Variants in WDR11 observed in about 807,000 individuals in gnomAD.
The protein encoded by WDR11 is WD repeat-containing protein 11.
In WDR11, 83 loss-of-function variants were observed where a neutral mutation model predicts 151.2. The observed-to-expected ratio is 0.55, with a 90% CI of 0.46 to 0.66. The LOEUF (loss-of-function observed/expected upper bound fraction) is 0.66. WDR11 is among the 30% of genes least tolerant of loss of function. The pLI is 0.00. For missense variants in WDR11, 1,301 were observed against 1,480.9 expected, an observed-to-expected ratio of 0.88 and a Z score of 1.99; for synonymous variants, 484 against 533.1, an observed-to-expected ratio of 0.91 and a Z score of 1.27.
intron 9 of WDR11, among the ~76,000 whole-genome samples, 160 bp from the exon 10 acceptor site, chr10:120,871,010 A>C (rs2133756098): frequency 6.6e-6 from 1 of 152,330 alleles, no homozygotes. Context: ...ATAGCCAGGT[A>C]CAGAGTCATT....
At chr10:120,890,627 CCA>C (rs1430481837) in intron 18 of WDR11, 87 bp from the exon 19 acceptor site, 2 of 1,529,448 alleles carry the variant, frequency 1.3e-6, no homozygotes, top group East Asian at 4.5e-5. Flanking sequence ...TGGGCCTTTG[CCA>C]CAGACTGTCT....
intron 17 of WDR11, 39 bp downstream of exon 17, chr10:120,889,223 A>G: frequency 2.3e-6 from 3 of 1,304,634 alleles, no homozygotes; most frequent in African/African-American, 3.1e-5. Context: ...TTCATTAAAA[A>G]AAAGAAATGA....
intron 21 of WDR11, 89 bp downstream of exon 21, chr10:120,901,187 T>A: frequency 8.3e-7 from 1 of 1,204,528 alleles, no homozygotes; most frequent in Non-Finnish European, 1.2e-6. Context: ...TAAAATAAGT[T>A]ACGTTTTAGA....
rs1352839667 is a variant in WDR11, at chr10:120,905,502, A to G, written c.3291+86A>G. 4.1e-6 allele frequency: 6 copies of G among 1,455,934 alleles called. No individual in the cohort carries two copies. The East Asian group carries it at 6.8e-5, about 17-fold the overall frequency. 90.2% of individuals were successfully genotyped at this position (1,455,934 alleles called of 1,614,324 possible). On this transcript the variant is annotated intron_variant, in intron 26 of 28. Coordinates refer to ENST00000263461, the MANE Select transcript of WDR11 (RefSeq NM_018117.12). ...AACTTTGGACTTATGACTTAGAAAC[A>G]TTTTTTGGCCTGCAAAGCTGCTTTG... is the stretch of plus-strand genomic sequence containing the variant.
At position 120,908,971 on chromosome 10, in the gene WDR11, G is replaced by C. The variant is rs1342683825; in HGVS notation, c.*258G>C. 4.3e-6 allele frequency: 2 copies of C among 462,338 alleles called. No individual in the cohort carries two copies. The highest frequency in any genetic ancestry group is 3.9e-5 in the African/African-American group (2 of 51,430). 28.6% of individuals were successfully genotyped at this position (462,338 alleles called of 1,614,324 possible). On this transcript the variant is annotated 3_prime_UTR_variant, in exon 29 of 29. Coordinates refer to ENST00000263461, the MANE Select transcript of WDR11 (RefSeq NM_018117.12). ...ATAATATTTTATACTTTGGGAGAGA[G>C]CTTTAAGAGTCCCTGGAAATACTTT...
rs371977737 is a variant in WDR11, at chr10:120,908,712, G to T, written c.3674G>T (p.Ter1225LeuextTer9). Residue 1225 changes from the stop codon to leucine (L), a stop_lost, in exon 29 of 29, where the codon TGA becomes TTA. Transcript: ENST00000263461. ...CCCAAGGAAGAACCCATTGAAGAGT[G>T]ACAGCTTAATAAATGCCAGGGAATC... is the stretch of plus-strand genomic sequence containing the variant. ...ESPKEEPIEE[*>L] 2.5e-6 allele frequency: 4 copies of T among 1,613,950 alleles called. No homozygotes were observed. The African/African-American group carries it at 5.3e-5, about 22-fold the overall frequency.
chr10:120,866,896 G>T, intron 8 of WDR11, 132 bp downstream of exon 8: 3 of 1,129,226 alleles, frequency 2.7e-6, no homozygotes, highest in Non-Finnish European at 2.5e-6. Context: ...TAAGGCTTTA[G>T]ATTATTAGGG....
chr10:120,863,394 A>C (rs61875074), intron 5 of WDR11, among the ~76,000 whole-genome samples: 8,806 of 152,292 alleles, frequency 0.058, 343 homozygotes, highest in Non-Finnish European at 0.08. Context: ...TTTAGCTATG[A>C]GACTGAGAAA....
At chr10:120,867,235 A>T in intron 9 of WDR11, 66 bp downstream of exon 9, 4 of 1,125,296 alleles carry the variant, frequency 3.6e-6, no homozygotes, top group Non-Finnish European at 5.4e-6. Context: ...TAATAGAATC[A>T]CTCACTTGTA....
chr10:120,874,192 TGTTG>T lies in WDR11; in HGVS notation c.1556+270_1556+273del, dbSNP rs1371368471. ...GTTTTTGCAGTTTTTTTTTTTTTTT[TGTTG>T]TTGTTGTTGTTGTTTGTTTTGTTTT... On this transcript the variant is annotated intron_variant, in intron 11 of 28. Coordinates refer to ENST00000263461, the MANE Select transcript of WDR11 (RefSeq NM_018117.12). 3.7e-3 allele frequency among the ~76,000 whole-genome samples: 436 copies of T among 117,644 alleles called. 22 individuals carry two copies. The highest frequency in any genetic ancestry group is 9.2e-3 in the African/African-American group (270 of 29,326). The allele number at this position is 117,644 out of a possible 152,430, so 77.2% of individuals were successfully genotyped here.
At chr10:120,874,176 G>GTTTTTTTTTTTTTTTTTTT (rs66873217) in intron 11 of WDR11, among the ~76,000 whole-genome samples, 6 of 83,488 alleles carry the variant, frequency 7.2e-5, no homozygotes, top group South Asian at 3.5e-4. Flanking sequence ...GGTTTTTGCA[G>GTTTTTTTTTTTTTTTTTTT]TTTTTTTTTT....
chr10:120,873,949 A>T (rs373597859), intron 11 of WDR11, 26 bp downstream of exon 11: 744 of 1,488,916 alleles, frequency 5.0e-4, no homozygotes, highest in Non-Finnish European at 6.6e-4. Flanking sequence ...TGATGATGAC[A>T]TCACAAACAT....
Position 120,906,842 on chromosome 10 carries a change from C to T in WDR11, c.3504C>T (p.Val1168=), listed in dbSNP as rs756274510. Residue 1168 remains valine, a synonymous_variant, in exon 28 of 29, where the codon GTC becomes GTT. Coordinates refer to ENST00000263461, the MANE Select transcript of WDR11 (RefSeq NM_018117.12). ...EACLKYGAFE[V]TEDTEKLITA... ...GCCTCAAGTATGGAGCATTTGAAGTCACTGAGGACACAGATATCCTTTGCA... is the reference window on the plus strand; with the variant it reads ...GCCTCAAGTATGGAGCATTTGAAGTTACTGAGGACACAGATATCCTTTGCA... 4 of 1,614,156 alleles carry T rather than the reference C, an allele frequency of 2.5e-6. No homozygotes were observed. In the African/African-American group the frequency reaches 4.0e-5, roughly 16 times the overall value.
chr10:120,908,342 G>T, intron 28 of WDR11: 1 of 588,888 alleles, frequency 1.7e-6, no homozygotes, highest in Admixed American at 2.7e-5. Flanking sequence ...GAAAGGTAAT[G>T]ATGGTACAGA....
Position 120,886,871 on chromosome 10 carries a change from G to A in WDR11, c.2121+35G>A, listed in dbSNP as rs1200187796. 3.1e-6 allele frequency: 5 copies of A among 1,612,870 alleles called. No homozygotes were observed. The Admixed American group carries it at 5.0e-5, about 16-fold the overall frequency. On this transcript the variant is annotated intron_variant, in intron 16 of 28. Coordinates refer to ENST00000263461, the MANE Select transcript of WDR11 (RefSeq NM_018117.12). ...ACCTTGATTAAATCTTCATCAAGAAGATTTTGTTTTGTTGGTTCCATATCC... is the reference window on the plus strand; with the variant it reads ...ACCTTGATTAAATCTTCATCAAGAAAATTTTGTTTTGTTGGTTCCATATCC...
At chr10:120,859,978 C>CGT (rs1846084513) in intron 3 of WDR11, 131 bp from the exon 4 acceptor site, 1 of 887,602 alleles carries the variant, frequency 1.1e-6, no homozygotes, top group African/African-American at 1.7e-5. Context: ...CACACACACA[C>CGT]GTCACATTTG....
chr10:120,902,967 A>C (rs920448131), intron 22 of WDR11, 88 bp from the exon 23 acceptor site: 12 of 1,375,588 alleles, frequency 8.7e-6, no homozygotes, highest in African/African-American at 1.4e-5. Flanking sequence ...ATGTGACAAC[A>C]CTCCCTTCCA....
intron 9 of WDR11, 52 bp downstream of exon 9, chr10:120,867,221 A>C (rs766904404): frequency 3.2e-6 from 4 of 1,252,668 alleles, no homozygotes; most frequent in Admixed American, 3.4e-5. Context: ...CTGAAGGGCA[A>C]AATTAATAGA....
chr10:120,896,344 A>G (rs1351483705), intron 19 of WDR11, among the ~76,000 whole-genome samples: 2 of 152,192 alleles, frequency 1.3e-5, no homozygotes, highest in Non-Finnish European at 2.9e-5. Context: ...GGAAAAATGG[A>G]GAGTATGGGG....
Sources: gnomAD v4.1 joint callset for allele counts (sites outside exome capture counted in the v4.1 genomes callset) on GRCh38, gnomAD v4.1.1 for gene constraint, MANE v1.5 for transcripts, NCBI Gene and HGNC (gene_info 2026-07-23, HGNC 2026-07-21) for gene names.